The following PTPN13 variants were observed in gnomAD, a reference collection of about 807,000 sequenced individuals.
PTPN13 encodes protein tyrosine phosphatase non-receptor type 13.
A neutral mutation model predicts 284.0 loss-of-function variants in PTPN13; 191 were observed. The ratio of observed to expected loss-of-function variants is 0.67; its 90% confidence interval spans 0.60 to 0.76. The LOEUF is 0.76. PTPN13 is among the 30% of genes least tolerant of loss of function. The probability of loss-of-function intolerance (pLI) is 0.00; values close to 1 mark genes in which losing one functional copy is unlikely to be tolerated. For missense variants in PTPN13, 2,797 were observed against 2,939.9 expected, an observed-to-expected ratio of 0.95 and a Z score of 1.12; for synonymous variants, 986 against 1,022.3, an observed-to-expected ratio of 0.96 and a Z score of 0.68.
chr4:86,598,486 G>A (rs545475118), intron 1 of PTPN13, among the ~76,000 whole-genome samples: 1 of 152,114 alleles, frequency 6.6e-6, no homozygotes, highest in East Asian at 1.9e-4. Context: ...ATGTGCAAAT[G>A]TGGTTTAAGT....
chr4:86,722,527 C>T, intron 10 of PTPN13, 93 bp downstream of exon 10: 2 of 909,174 alleles, frequency 2.2e-6, no homozygotes, highest in Non-Finnish European at 3.5e-6. Flanking sequence ...AGGTATCCAT[C>T]TAAAGTTACC....
chr4:86,652,811 G>A lies in PTPN13; in HGVS notation c.115+17440G>A, dbSNP rs114808288. ...GATATTCATACTGTAGGTTTGAAGA[G>A]TTCTCTGTAACTAAACTTTCTATTG... On this transcript the variant is annotated intron_variant, in intron 2 of 47. Transcript: ENST00000411767. Among the ~76,000 whole-genome samples the A allele has an allele frequency of 2.6e-3, 390 of 152,054 alleles. 3 individuals are homozygous for A. Among genetic ancestry groups the A allele is most frequent in the African/African-American group, 9.1e-3 (377 of 41,500 alleles).
chr4:86,748,819 C>A (rs1737070266), intron 17 of PTPN13, among the ~76,000 whole-genome samples: 1 of 152,032 alleles, frequency 6.6e-6, no homozygotes, highest in East Asian at 1.9e-4. Flanking sequence ...CCACGCCCAG[C>A]TAATTTTTTG....
At chr4:86,660,581 CTT>C (rs1726369724) in intron 2 of PTPN13, among the ~76,000 whole-genome samples, 1 of 152,050 alleles carries the variant, frequency 6.6e-6, no homozygotes. Flanking sequence ...TATTAGTTGT[CTT>C]TGACATGCTA....
chr4:86,692,081 T>G (rs1255726428), intron 5 of PTPN13, among the ~76,000 whole-genome samples: 3 of 152,222 alleles, frequency 2.0e-5, no homozygotes, highest in Non-Finnish European at 4.4e-5. Flanking sequence ...GTTTCTTTGC[T>G]ATTTCTCCCT....
intron 23 of PTPN13, among the ~76,000 whole-genome samples, chr4:86,760,042 G>C (rs1275747374): frequency 2.6e-5 from 4 of 152,050 alleles, no homozygotes; most frequent in African/African-American, 9.7e-5. Context: ...ACATGAACAT[G>C]TTATATGTTG....
At position 86,594,711 on chromosome 4, in the gene PTPN13, C is replaced by G. The variant is rs1264690407; in HGVS notation, c.-84C>G. 6.6e-6 allele frequency: 1 copy of G among 152,404 alleles called. No homozygotes were observed. Among genetic ancestry groups the G allele is most frequent in the East Asian group, 1.9e-4 (1 of 5,178 alleles). The allele number at this position is 152,404 out of a possible 1,614,324, so 9.4% of individuals were successfully genotyped here. On this transcript the variant is annotated 5_prime_UTR_variant, in exon 1 of 48. Transcript: ENST00000411767. ...GGCTCTCGGCGCCCGCGGCGGCTGC[C>G]GGCGGCCCGCCCCGACGCCGCGTCC...
At chr4:86,809,032 T>C (rs1484149312) in intron 45 of PTPN13, among the ~76,000 whole-genome samples, 1 of 152,146 alleles carries the variant, frequency 6.6e-6, no homozygotes, top group Admixed American at 6.5e-5. Flanking sequence ...ACAAAAGTCC[T>C]GAGACCAAAC....
chr4:86,773,811 A>C (rs574225822), intron 32 of PTPN13, among the ~76,000 whole-genome samples: 2 of 151,964 alleles, frequency 1.3e-5, no homozygotes, highest in Non-Finnish European at 2.9e-5. Context: ...TTTTCTTAGA[A>C]ATCTTTCACC....
chr4:86,759,866 G>A (rs773964761), intron 23 of PTPN13, among the ~76,000 whole-genome samples: 2 of 152,152 alleles, frequency 1.3e-5, no homozygotes, highest in Non-Finnish European at 2.9e-5. Flanking sequence ...GTGAATTTTA[G>A]CTGTCATTAA....
intron 27 of PTPN13, chr4:86,766,802 A>C (rs1739372988): frequency 1.9e-5 from 5 of 264,946 alleles, no homozygotes; most frequent in Non-Finnish European, 3.5e-5. Context: ...TTTGTTGTAT[A>C]AACATCTCAT....
intron 35 of PTPN13, among the ~76,000 whole-genome samples, chr4:86,776,759 T>TA (rs1241697404): frequency 6.6e-6 from 1 of 152,234 alleles, no homozygotes; most frequent in African/African-American, 2.4e-5. Flanking sequence ...TATTTTATAA[T>TA]AAAGTGTTGA....
chr4:86,725,815 T>A (rs142987354), intron 10 of PTPN13, among the ~76,000 whole-genome samples: 1 of 149,782 alleles, frequency 6.7e-6, no homozygotes, highest in East Asian at 1.9e-4. Flanking sequence ...AGACACTCTT[T>A]AGTTTAATTA....
At chr4:86,692,975 A>G (rs1730185929) in intron 5 of PTPN13, among the ~76,000 whole-genome samples, 1 of 149,058 alleles carries the variant, frequency 6.7e-6, no homozygotes, top group Non-Finnish European at 1.5e-5. Flanking sequence ...GCTACTCTGG[A>G]GGCTAAGGCA....
chr4:86,671,333 C>T (rs1172365829), intron 2 of PTPN13, among the ~76,000 whole-genome samples: 1 of 152,088 alleles, frequency 6.6e-6, no homozygotes. Context: ...TATCATTTGA[C>T]AGAGTGATAT....
intron 4 of PTPN13, 55 bp downstream of exon 4, chr4:86,686,830 T>C: frequency 1.7e-6 from 2 of 1,207,926 alleles, no homozygotes; most frequent in Non-Finnish European, 2.4e-6. Flanking sequence ...ATTTTACACC[T>C]TATATCATAG....
intron 40 of PTPN13, among the ~76,000 whole-genome samples, chr4:86,787,769 TAAC>T (rs1474166635): frequency 1.3e-5 from 2 of 152,206 alleles, no homozygotes; most frequent in Non-Finnish European, 1.5e-5. Context: ...GGTTTTCACT[TAAC>T]AATCATTACC....
At chr4:86,764,977 C>T (rs985456579) in intron 25 of PTPN13, among the ~76,000 whole-genome samples, 1 of 152,096 alleles carries the variant, frequency 6.6e-6, no homozygotes, top group African/African-American at 2.4e-5. Context: ...GAATATAAAA[C>T]TTGCAAATTG....
rs1385976556 is a variant in PTPN13, at chr4:86,717,214, A to T, written c.1385+97A>T. The T allele has an allele frequency of 2.7e-5, 20 of 749,472 alleles. No individual in the cohort carries two copies. The Middle Eastern group carries it at 1.1e-3, about 42-fold the overall frequency. The allele number at this position is 749,472 out of a possible 1,614,324, so 46.4% of individuals were successfully genotyped here. A position where few individuals can be genotyped will look rare whatever the true frequency, so the allele number is the denominator to read the frequency against. On this transcript the variant is annotated intron_variant, in intron 9 of 47. Transcript: ENST00000411767. Reference sequence around the variant, plus strand: ...ATTTTTTTTTTTTTTTTTGAGACGGAGTCTTGCTCTGTTGCCTAAGCTGGA... The same window carrying T: ...ATTTTTTTTTTTTTTTTTGAGACGGTGTCTTGCTCTGTTGCCTAAGCTGGA...
Sources: gnomAD v4.1 joint callset for allele counts (sites outside exome capture counted in the v4.1 genomes callset) on GRCh38, gnomAD v4.1.1 for gene constraint, MANE v1.5 for transcripts, NCBI Gene and HGNC (gene_info 2026-07-23, HGNC 2026-07-21) for gene names.